The following NEDD4 variants were observed in gnomAD, a reference collection of about 807,000 sequenced individuals.
NEDD4 encodes E3 ubiquitin-protein ligase NEDD4.
A neutral mutation model predicts 144.9 loss-of-function variants in NEDD4; 99 were observed. That is an observed-to-expected ratio of 0.68 (90% CI 0.58 to 0.81). NEDD4 has a LOEUF of 0.81. Ranked by LOEUF, NEDD4 falls within the 30% of genes least tolerant of loss-of-function variation. The probability of loss-of-function intolerance (pLI) is 0.00; values close to 1 mark genes in which losing one functional copy is unlikely to be tolerated. For missense variants in NEDD4, 985 were observed against 1,065.9 expected (o/e 0.92, Z 1.06); for synonymous variants, 318 against 350.6 (o/e 0.91, Z 1.04).
intron 1 of NEDD4, among the ~76,000 whole-genome samples, chr15:55,982,426 GA>G (rs1458833028): frequency 6.6e-6 from 1 of 152,014 alleles, no homozygotes; most frequent in Non-Finnish European, 1.5e-5. Context: ...TATTCACCAA[GA>G]AAAAGAATGA....
chr15:55,922,793 A>T (rs1469962506), intron 5 of NEDD4, among the ~76,000 whole-genome samples: 2 of 152,154 alleles, frequency 1.3e-5, no homozygotes, highest in Non-Finnish European at 2.9e-5. Context: ...CTAAGGAGGG[A>T]TCTAGGGAGG....
rs899085866 is a variant in NEDD4, at chr15:55,885,595, G to A, written c.292-11587C>T. On this transcript the variant is annotated intron_variant, in intron 5 of 28. Coordinates refer to ENST00000435532, the MANE Select transcript of NEDD4 (RefSeq NM_006154.4). ...TAGTTTTCTCTTGGCTTGTTACTTT[G>A]TTTATGCAATCAGTGTTAAGTTGTC... Among the ~76,000 whole-genome samples, 4 of 151,984 alleles carry A rather than the reference G, an allele frequency of 2.6e-5. No individual in the cohort carries two copies. The South Asian group carries it at 8.3e-4, about 31-fold the overall frequency.
chr15:55,960,497 G>A (rs2037407084), intron 2 of NEDD4, among the ~76,000 whole-genome samples: 1 of 152,124 alleles, frequency 6.6e-6, no homozygotes, highest in Admixed American at 6.5e-5. Flanking sequence ...ATATGCTAGG[G>A]GCTCTTGTAC....
intron 1 of NEDD4, among the ~76,000 whole-genome samples, chr15:55,986,824 C>T (rs2037903870): frequency 1.3e-5 from 2 of 151,576 alleles, no homozygotes; most frequent in Admixed American, 6.6e-5. Context: ...CTCAATCTCC[C>T]GACCTCGTGA....
chr15:55,830,466 T>A, intron 28 of NEDD4, 48 bp downstream of exon 28: 4 of 1,512,656 alleles, frequency 2.6e-6, no homozygotes, highest in Non-Finnish European at 2.8e-6. Context: ...AACAGAGGAA[T>A]CTCACTCTCT....
chr15:55,873,991 T>C lies in NEDD4; in HGVS notation c.309A>G (p.Leu103=), dbSNP rs765767638. ...DENRLTRDDF[L]GQVDVPLYPL... Reference sequence around the variant, plus strand: ...GATAAAGTGGAACATCCACTTGACCTAGGAAATCATCTCTTGTCTATAAGA... The same window carrying C: ...GATAAAGTGGAACATCCACTTGACCCAGGAAATCATCTCTTGTCTATAAGA... The change falls in exon 6 of 29, where the codon CTA becomes CTG. Residue 103 remains leucine, a synonymous_variant. Transcript: ENST00000435532. The C allele has an allele frequency of 1.9e-6, 3 of 1,539,866 alleles. No homozygotes were observed. Among genetic ancestry groups the C allele is most frequent in the Admixed American group, 1.9e-5 (1 of 52,244 alleles).
chr15:55,978,589 A>T (rs1411485707), intron 1 of NEDD4, among the ~76,000 whole-genome samples: 1 of 152,198 alleles, frequency 6.6e-6, no homozygotes, highest in Non-Finnish European at 1.5e-5. Flanking sequence ...TAAATAAATA[A>T]AAAAGTAACA....
intron 5 of NEDD4, among the ~76,000 whole-genome samples, chr15:55,908,550 G>A (rs2036173071): frequency 1.3e-5 from 2 of 152,114 alleles, no homozygotes; most frequent in South Asian, 4.1e-4. Context: ...AAGTGTGTCT[G>A]GGGAATTACC....
In NEDD4 at chr15:55,958,665, T is replaced by G. The variant is rs1303970746; in HGVS notation, c.120-7076A>C. 2.6e-5 allele frequency among the ~76,000 whole-genome samples: 4 copies of G among 152,152 alleles called. No homozygotes were observed. The East Asian group carries it at 7.7e-4, about 29-fold the overall frequency. On this transcript the variant is annotated intron_variant, in intron 2 of 28. Transcript: ENST00000435532. ...CAATTTAATTAACAACAAATTCAAT[T>G]TCTTTTAACAACAAATTCAATTTCT...
At chr15:55,867,985 G>A (rs952888120) in intron 8 of NEDD4, among the ~76,000 whole-genome samples, 1 of 151,330 alleles carries the variant, frequency 6.6e-6, no homozygotes, top group African/African-American at 2.4e-5. Context: ...GAACCCAGGA[G>A]GCAGAGGCTG....
chr15:55,959,823 T>C (rs2037397052), intron 2 of NEDD4, among the ~76,000 whole-genome samples: 1 of 152,206 alleles, frequency 6.6e-6, no homozygotes, highest in Non-Finnish European at 1.5e-5. Context: ...CCACATTAGC[T>C]TGGAAGTGAA....
In NEDD4 at chr15:55,993,545, C is replaced by A; in HGVS notation, c.11G>T (p.Cys4Phe). The A allele has an allele frequency of 6.3e-7, 1 of 1,596,726 alleles. No homozygotes were observed. The highest frequency in any genetic ancestry group is 8.5e-7 in the Non-Finnish European group (1 of 1,173,818). Residue 4 changes from cysteine (C) to phenylalanine (F), a missense_variant, in exon 1 of 29, where the codon TGC (cysteine) becomes TTC (phenylalanine). By Grantham distance (205) the Cys-to-Phe change is radical. Coordinates refer to ENST00000435532, the MANE Select transcript of NEDD4 (RefSeq NM_006154.4). ...CAGGAGCCCGAACACCTCCACCGCG[C>A]AAGTTGCCATTTCCGAACGCTTCCA... MAT[C>F]AVEVFGLLED...
At chr15:55,982,908 G>A (rs561217938) in intron 1 of NEDD4, among the ~76,000 whole-genome samples, 1 of 152,200 alleles carries the variant, frequency 6.6e-6, no homozygotes, top group Admixed American at 6.5e-5. Context: ...GATCACCTGA[G>A]GTCAGGAGTT....
At position 55,830,632 on chromosome 15, in the gene NEDD4, C is replaced by A. The variant is rs376427568; in HGVS notation, c.2528-46G>T. 26 of 1,543,018 alleles carry A rather than the reference C, an allele frequency of 1.7e-5. No individual in the cohort carries two copies. In the African/African-American group the frequency reaches 3.3e-4, roughly 19 times the overall value. On this transcript the variant is annotated intron_variant, in intron 27 of 28. Coordinates refer to ENST00000435532, the MANE Select transcript of NEDD4 (RefSeq NM_006154.4). ...GGTTTCATTTACTCTCTACAAGGAT[C>A]TCCAGGCATATCAAAACTTTTTCTA...
intron 18 of NEDD4, among the ~76,000 whole-genome samples, chr15:55,844,000 T>C (rs1487204707): frequency 1.3e-5 from 2 of 152,076 alleles, no homozygotes; most frequent in Non-Finnish European, 2.9e-5. Flanking sequence ...AGGAGGACAA[T>C]TGCTGATGAT....
intron 5 of NEDD4, among the ~76,000 whole-genome samples, chr15:55,896,385 C>T (rs1210417353): frequency 4.0e-5 from 6 of 151,896 alleles, no homozygotes; most frequent in African/African-American, 7.3e-5. Flanking sequence ...GGTTTTGCCA[C>T]GTTGGTTAGG....
chr15:55,865,750 G>C (rs547825072), intron 8 of NEDD4, among the ~76,000 whole-genome samples: 1 of 152,108 alleles, frequency 6.6e-6, no homozygotes, highest in South Asian at 2.1e-4. Context: ...ACCTGAAAAC[G>C]AGGCCTCAGG....
chr15:55,897,258 C>T (rs2035768862), intron 5 of NEDD4, among the ~76,000 whole-genome samples: 1 of 152,196 alleles, frequency 6.6e-6, no homozygotes, highest in Non-Finnish European at 1.5e-5. Flanking sequence ...CAGGCGTGAG[C>T]CACTGCGCCC....
chr15:55,840,431 A>C lies in NEDD4; in HGVS notation c.2031+16T>G, dbSNP rs370395676. 1 of 1,606,578 alleles carries C rather than the reference A, an allele frequency of 6.2e-7. No homozygotes were observed. The highest frequency in any genetic ancestry group is 8.5e-7 in the Non-Finnish European group (1 of 1,176,094). The stretch of plus-strand genomic sequence containing the variant: ...TAAATTATACTTCGTCTATACTATA[A>C]GTGAAAAAGACATACCACAGATTCC... On this transcript the variant is annotated intron_variant, in intron 21 of 28. Coordinates refer to ENST00000435532, the MANE Select transcript of NEDD4 (RefSeq NM_006154.4).
Sources: allele counts gnomAD v4.1 joint callset (sites outside exome capture counted in the v4.1 genomes callset), GRCh38; gene constraint gnomAD v4.1.1; transcripts MANE v1.5; gene names NCBI Gene and HGNC (gene_info 2026-07-23, HGNC 2026-07-21).